Variants in ADCY6 observed in about 807,000 individuals in gnomAD.
ADCY6 encodes adenylate cyclase type 6.
Under a neutral mutation model 111.6 loss-of-function variants are expected in ADCY6, and 59 were observed. That is an observed-to-expected ratio of 0.53 (90% CI 0.43 to 0.66). ADCY6 has a LOEUF of 0.66. ADCY6 is among the 30% of genes least tolerant of loss of function. The pLI is 0.00. For synonymous variants in ADCY6, 576 were observed against 642.9 expected (o/e 0.90, Z 1.57); for missense variants, 1,242 against 1,595.6 (o/e 0.78, Z 3.78).
rs1426181156 is a variant in ADCY6, at chr12:48,767,663, A to G, written c.*928T>C. 6.6e-6 allele frequency: 1 copy of G among 152,634 alleles called. No individual in the cohort carries two copies. Among genetic ancestry groups the G allele is most frequent in the African/African-American group, 2.4e-5 (1 of 41,436 alleles). 9.5% of individuals were successfully genotyped at this position (152,634 alleles called of 1,614,324 possible). A position where few individuals can be genotyped will look rare whatever the true frequency, so the allele number is the denominator to read the frequency against. ...TTTTCTATTTGGCAACAGAAGAGGA[A>G]GAGATGCTCCATGCCCCCTTGTCAG... On this transcript the variant is annotated 3_prime_UTR_variant, in exon 22 of 22. Transcript: ENST00000357869.
At chr12:48,775,809 G>C (rs1941682798) in intron 9 of ADCY6, 111 bp from the exon 10 acceptor site, 4 of 1,511,374 alleles carry the variant, frequency 2.6e-6, no homozygotes, top group Non-Finnish European at 3.6e-6. Flanking sequence ...CATATCCTCT[G>C]GGGGCACTGG....
At position 48,776,135 on chromosome 12, in the gene ADCY6, G is replaced by A. The variant is rs1218004468; in HGVS notation, c.1678-44C>T. Reference sequence around the variant, plus strand: ...TACAGGCTCAGAAGAGGGGCCCAGAGGAGGCCTTGGCCTGCTCCTCCCCAT... The same window carrying A: ...TACAGGCTCAGAAGAGGGGCCCAGAAGAGGCCTTGGCCTGCTCCTCCCCAT... On this transcript the variant is annotated intron_variant, in intron 8 of 21. Transcript: ENST00000357869. This position sits in a 1 kb window ranked among gnomAD's most constrained non-coding sequence, Gnocchi z 6.1. 2.5e-6 allele frequency: 4 copies of A among 1,613,854 alleles called. No individual in the cohort carries two copies. Among genetic ancestry groups the A allele is most frequent in the South Asian group, 1.1e-5 (1 of 91,066 alleles).
rs3730071 is a variant in ADCY6 at position 48,775,015 on chromosome 12, C to A, written c.2020G>T (p.Ala674Ser). 0.025 allele frequency: 38,197 copies of A among 1,558,114 alleles called. 546 individuals carry two copies. The highest frequency in any genetic ancestry group is 0.032 in the Middle Eastern group (192 of 6,008). The change falls in exon 12 of 22, where the codon GCC becomes TCC. Residue 674 changes from alanine (A) to serine (S), a missense_variant. By Grantham distance (99) the Ala-to-Ser change is moderately conservative (BLOSUM62 1). This residue lies in a region of ADCY6 where 375 missense variants were observed against 432.5 expected (regional missense o/e 0.87). Transcript: ENST00000357869. ...AAGCAGAAGACCAACAGGGCACAGG[C>A]AACGTAGGCTCCGAAGCGGGGATCC... ...KVDPRFGAYV[A>S]CALLVFCFIC...
At chr12:48,780,087 G>C (rs980652890) in intron 2 of ADCY6, among the ~76,000 whole-genome samples, 1 of 152,170 alleles carries the variant, frequency 6.6e-6, no homozygotes, top group Non-Finnish European at 1.5e-5. Context: ...AAGGGAAGGG[G>C]GGCAAACCAG....
At chr12:48,773,437 T>C in intron 16 of ADCY6, 32 bp downstream of exon 16, 1 of 1,606,374 alleles carries the variant, frequency 6.2e-7, no homozygotes, top group Admixed American at 1.7e-5. Context: ...GGGAAGCTCC[T>C]GGGGTATTAA....
Position 48,777,634 on chromosome 12 carries a change from G to C in ADCY6, c.1117C>G (p.Gln373Glu). 6.2e-7 allele frequency: 1 copy of C among 1,614,252 alleles called. No homozygotes were observed. The highest frequency in any genetic ancestry group is 1.1e-5 in the South Asian group (1 of 91,088). The part of the protein sequence containing the change: ...EDMMFHKIYI[Q>E]KHDNVSILFA... ...CCCTACCTGACATTGTCATGCTTCT[G>C]TATGTAGATCTTGTGGAACATCATG... The change falls in exon 4 of 22, where the codon CAG becomes GAG. Residue 373 changes from glutamine to glutamate, a missense_variant. Physicochemically the swap from Gln to Glu is conservative, Grantham distance 29. Coordinates refer to ENST00000357869, the MANE Select transcript of ADCY6 (RefSeq NM_015270.5). This position sits in a 1 kb window ranked among gnomAD's most constrained non-coding sequence, Gnocchi z 4.9.
chr12:48,775,843 T>C, intron 9 of ADCY6, 120 bp downstream of exon 9: 2 of 1,516,474 alleles, frequency 1.3e-6, no homozygotes, highest in South Asian at 1.2e-5. Context: ...ATCTTCTCAC[T>C]GCCCCAATAC....
At chr12:48,773,751 C>T (rs1344425192) in intron 15 of ADCY6, 104 bp from the exon 16 acceptor site, 17 of 1,473,298 alleles carry the variant, frequency 1.2e-5, no homozygotes, top group Non-Finnish European at 1.6e-5. Flanking sequence ...TCCCACCACA[C>T]CCCTCAAACC....
chr12:48,768,168 A>C lies in ADCY6; in HGVS notation c.*423T>G. 3.8e-6 allele frequency: 1 copy of C among 264,122 alleles called. No homozygotes were observed. The highest frequency in any genetic ancestry group is 7.4e-6 in the Non-Finnish European group (1 of 134,680). The allele number at this position is 264,122 out of a possible 1,614,324, so 16.4% of individuals were successfully genotyped here. A position where few individuals can be genotyped will look rare whatever the true frequency, so the allele number is the denominator to read the frequency against. On this transcript the variant is annotated 3_prime_UTR_variant, in exon 22 of 22. Coordinates refer to ENST00000357869, the MANE Select transcript of ADCY6 (RefSeq NM_015270.5). ...CCTCATGCCTGTCTTTGTACAAAAT[A>C]TTGTACAAAATATTCCCAGGAAAAA... is the stretch of plus-strand genomic sequence containing the variant.
chr12:48,770,765 C>G lies in ADCY6; in HGVS notation c.3256+1G>C. The G allele has an allele frequency of 6.2e-7, 1 of 1,613,806 alleles. No individual in the cohort carries two copies. Among genetic ancestry groups the G allele is most frequent in the Non-Finnish European group, 8.5e-7 (1 of 1,179,830 alleles). ...CCCGCCAAGCAACAAAGCCCTCTTA[C>G]CAATCTTCATCTGGAAATTGTTGAA... On this transcript the variant is annotated splice_donor_variant, in intron 20 of 21. Coordinates refer to ENST00000357869, the MANE Select transcript of ADCY6 (RefSeq NM_015270.5). LOFTEE classifies it high-confidence loss of function.
intron 11 of ADCY6, 105 bp from the exon 12 acceptor site, chr12:48,775,159 G>T: frequency 1.4e-6 from 2 of 1,443,226 alleles, no homozygotes; most frequent in Non-Finnish European, 1.9e-6. Context: ...AGATGCAGTT[G>T]GCTCAACTGA....
At chr12:48,768,821 G>A (rs1028308656) in intron 21 of ADCY6, 105 bp from the exon 22 acceptor site, 30 of 1,552,078 alleles carry the variant, frequency 1.9e-5, no homozygotes, top group Middle Eastern at 3.7e-4. Flanking sequence ...CCCAGTCCCT[G>A]CCCCACCATA....
intron 2 of ADCY6, among the ~76,000 whole-genome samples, chr12:48,781,445 A>G (rs1464969638): frequency 1.3e-5 from 2 of 152,206 alleles, no homozygotes; most frequent in African/African-American, 4.8e-5. Flanking sequence ...CTGTGCCTAC[A>G]GCAGCGCCTG....
chr12:48,788,504 G>A (rs1942023508), intron 1 of ADCY6, among the ~76,000 whole-genome samples: 1 of 151,892 alleles, frequency 6.6e-6, no homozygotes, highest in Admixed American at 6.6e-5. Context: ...CAGACAGAGG[G>A]CATCCCTCCC....
intron 18 of ADCY6, 78 bp from the exon 19 acceptor site, chr12:48,772,051 A>G (rs757059005): frequency 1.4e-5 from 22 of 1,523,344 alleles, no homozygotes; most frequent in South Asian, 2.6e-5. Context: ...GGAAGTGCGG[A>G]TAAGAGGGAA....
At chr12:48,778,061 T>C (rs1415740661) in intron 3 of ADCY6, 47 bp downstream of exon 3, 3 of 1,570,388 alleles carry the variant, frequency 1.9e-6, no homozygotes, top group Non-Finnish European at 1.7e-6. Context: ...TGCAAGTTAT[T>C]TGGGGGTAAG....
rs545950008 is a variant in ADCY6 at position 48,767,943 on chromosome 12, T to C, written c.*648A>G. On this transcript the variant is annotated 3_prime_UTR_variant, in exon 22 of 22. Coordinates refer to ENST00000357869, the MANE Select transcript of ADCY6 (RefSeq NM_015270.5). ...TAAATCTAAGCTGTCAGAGGTCCCT[T>C]TGTTCCCCTTTGGGGACAGATCATG... The C allele has an allele frequency of 1.3e-5, 2 of 154,354 alleles. No individual in the cohort carries two copies. Among genetic ancestry groups the C allele is most frequent in the African/African-American group, 4.8e-5 (2 of 41,584 alleles). The allele number at this position is 154,354 out of a possible 1,614,324, so 9.6% of individuals were successfully genotyped here.
chr12:48,770,968 A>C lies in ADCY6; in HGVS notation c.3054T>G (p.Ile1018Met). 1.2e-6 allele frequency: 2 copies of C among 1,613,874 alleles called. No individual in the cohort carries two copies. Among genetic ancestry groups the C allele is most frequent in the Non-Finnish European group, 1.7e-6 (2 of 1,179,964 alleles). ...GCTGCCGGAACCGCTCCTCGCTGATAATCTGAACAACACAAGGAGACCTGG... is the reference window on the plus strand; with the variant it reads ...GCTGCCGGAACCGCTCCTCGCTGATCATCTGAACAACACAAGGAGACCTGG... ...LNEIIADFDE[I>M]ISEERFRQLE... Residue 1018 changes from isoleucine (I) to methionine (M), a missense_variant and splice_region_variant, in exon 20 of 22, where the codon ATT (isoleucine) becomes ATG (methionine). Ile to Met is a conservative substitution (Grantham distance 10). Transcript: ENST00000357869.
intron 1 of ADCY6, among the ~76,000 whole-genome samples, chr12:48,785,717 G>A (rs1451569369): frequency 2.0e-5 from 3 of 152,234 alleles, no homozygotes; most frequent in Non-Finnish European, 4.4e-5. Context: ...GCTTTAAACT[G>A]TTCAAGATCT....
Sources: gnomAD v4.1 joint callset for allele counts (sites outside exome capture counted in the v4.1 genomes callset) on GRCh38, gnomAD v4.1.1 for gene constraint, gnomAD v4.1.1 regional missense constraint, Gnocchi (gnomAD v3.1) non-coding constraint, MANE v1.5 for transcripts, NCBI Gene and HGNC (gene_info 2026-07-23, HGNC 2026-07-21) for gene names.